Variants in SPTB observed in about 807,000 individuals in gnomAD.
SPTB encodes the protein spectrin beta, erythrocytic.
In SPTB, 45 loss-of-function variants were observed where a neutral mutation model predicts 256.2. The ratio of observed to expected loss-of-function variants is 0.18; its 90% CI spans 0.14 to 0.23. The LOEUF (loss-of-function observed/expected upper bound fraction) is 0.23, where lower values mean the gene tolerates loss of function less well. Among genes scored for constraint, SPTB ranks in the 10% least tolerant of loss-of-function variants. The pLI, the probability that SPTB is intolerant of heterozygous loss-of-function variation, is 1.00. For synonymous variants in SPTB, 1,231 were observed against 1,243.1 expected (o/e 0.99, Z 0.21); for missense variants, 2,715 against 3,040.4 (o/e 0.89, Z 2.52).
rs1267744891 is a variant in SPTB at position 64,866,377 on chromosome 14, C to T, written c.-52+13415G>A. 2.6e-5 allele frequency among the ~76,000 whole-genome samples: 4 copies of T among 152,214 alleles called. No individual in the cohort carries two copies. Among genetic ancestry groups the T allele is most frequent in the South Asian group, 4.1e-4 (2 of 4,830 alleles). On this transcript the variant is annotated intron_variant, in intron 1 of 35. Coordinates refer to ENST00000644917, the MANE Select transcript of SPTB (RefSeq NM_001355436.2). This position sits in a 1 kb window ranked among gnomAD's most constrained non-coding sequence, Gnocchi z 4.6. ...CTTGGCCAAGCCCGTTCCTCTGTCTCGCTGCCCTCAGGTCCCTCTCACAAG... is the reference window on the plus strand; with the variant it reads ...CTTGGCCAAGCCCGTTCCTCTGTCTTGCTGCCCTCAGGTCCCTCTCACAAG...
rs138039383 is a variant in SPTB at position 64,769,672 on chromosome 14, A to C, written c.5855T>G (p.Ile1952Ser). 1 of 1,614,034 alleles carries C rather than the reference A, an allele frequency of 6.2e-7. No homozygotes were observed. The highest frequency in any genetic ancestry group is 1.7e-5 in the Admixed American group (1 of 60,014). ...MKYHQGINAE[I>S]ETRSKNFSAC... Reference sequence around the variant, plus strand: ...ACTGAAGTTCTTGCTCCGGGTTTCAATCTCTGCATTGATGCCCTGGTGATA... The same window carrying C: ...ACTGAAGTTCTTGCTCCGGGTTTCACTCTCTGCATTGATGCCCTGGTGATA... Residue 1952 changes from isoleucine (I) to serine (S), a missense_variant, in exon 28 of 36, where the codon ATT (isoleucine) becomes AGT (serine). This residue lies in a region of SPTB where 2,239 missense variants were observed against 2,384.4 expected (regional missense o/e 0.94). Coordinates refer to ENST00000644917, the MANE Select transcript of SPTB (RefSeq NM_001355436.2).
At chr14:64,800,204 T>C (rs528357742) in intron 8 of SPTB, among the ~76,000 whole-genome samples, 8 of 152,220 alleles carry the variant, frequency 5.3e-5, no homozygotes, top group African/African-American at 1.2e-4. Context: ...CTAGAGAAGA[T>C]TGGTAAGCTT....
chr14:64,829,764 C>T (rs373650023), intron 1 of SPTB, among the ~76,000 whole-genome samples: 2 of 152,154 alleles, frequency 1.3e-5, no homozygotes, highest in African/African-American at 4.8e-5. Flanking sequence ...TTGTAAAATA[C>T]AGTCATATGC....
chr14:64,752,996 C>G (rs2081973293), intron 33 of SPTB, among the ~76,000 whole-genome samples: 2 of 152,020 alleles, frequency 1.3e-5, no homozygotes, highest in Admixed American at 1.3e-4. Flanking sequence ...CATAGAGTCA[C>G]CAGATGACAG....
At chr14:64,808,017 G>C (rs950646001) in intron 2 of SPTB, among the ~76,000 whole-genome samples, 2 of 152,210 alleles carry the variant, frequency 1.3e-5, no homozygotes, top group East Asian at 3.9e-4. Context: ...ATTCCTCTCT[G>C]TTCCTCTTTT....
At chr14:64,813,691 T>G (rs1036214327) in intron 2 of SPTB, among the ~76,000 whole-genome samples, 5 of 152,076 alleles carry the variant, frequency 3.3e-5, no homozygotes, top group African/African-American at 1.2e-4. Context: ...CCCAGCTAAA[T>G]TTTTTTGTAT....
At chr14:64,804,830 G>T in intron 3 of SPTB, 109 bp downstream of exon 3, 1 of 1,392,776 alleles carries the variant, frequency 7.2e-7, no homozygotes, top group Non-Finnish European at 1.0e-6. Context: ...TCCCAAAGGA[G>T]CAGAGAGAAA....
chr14:64,753,491 A>G (rs2081979439), intron 33 of SPTB, 46 bp downstream of exon 33: 10 of 1,611,820 alleles, frequency 6.2e-6, no homozygotes, highest in Non-Finnish European at 6.8e-6. Context: ...GAGATCCCTG[A>G]GAGCTGCCCA....
intron 33 of SPTB, chr14:64,752,177 T>C (rs755250473): frequency 3.0e-6 from 4 of 1,342,290 alleles, no homozygotes; most frequent in Admixed American, 2.0e-5. Context: ...ATCAAACTGA[T>C]AACAGGTGGG....
intron 1 of SPTB, among the ~76,000 whole-genome samples, chr14:64,862,822 ACT>A (rs1247630731): frequency 2.7e-5 from 4 of 149,202 alleles, no homozygotes; most frequent in Non-Finnish European, 4.5e-5. Context: ...TTGCAGTGAG[ACT>A]CTGTCACAAA....
chr14:64,752,136 G>C, intron 33 of SPTB: 1 of 1,260,870 alleles, frequency 7.9e-7, no homozygotes, highest in Non-Finnish European at 1.0e-6. Context: ...GACAAATAGG[G>C]CTCATGTCAA....
In SPTB at chr14:64,802,252, C is replaced by G; in HGVS notation, c.540G>C (p.Leu180=). 6.2e-7 allele frequency: 1 copy of G among 1,614,242 alleles called. No homozygotes were observed. Among genetic ancestry groups the G allele is most frequent in the East Asian group, 2.2e-5 (1 of 44,888 alleles). The part of the protein sequence containing the change: ...RETRSAKDAL[L]LWCQMKTAGY... ...CTGCCGTCTTCATCTGACACCACAA[C>G]AGCAACGCATCCTTGGCTGAGCGTG... Residue 180 remains leucine (L), a synonymous_variant, in exon 5 of 36, where the codon CTG becomes CTC. Transcript: ENST00000644917. This position sits in a 1 kb window ranked among gnomAD's most constrained non-coding sequence, Gnocchi z 5.1.
At chr14:64,784,814 C>A (rs371398315) in intron 18 of SPTB, among the ~76,000 whole-genome samples, 1 of 152,114 alleles carries the variant, frequency 6.6e-6, no homozygotes, top group African/African-American at 2.4e-5. Flanking sequence ...GGACAGAGGT[C>A]AATGAAAACA....
chr14:64,801,171 G>T, intron 7 of SPTB, 114 bp downstream of exon 7: 3 of 877,376 alleles, frequency 3.4e-6, no homozygotes, highest in Non-Finnish European at 5.4e-6. Flanking sequence ...TGTGCCCACA[G>T]CTTGCCCAGC....
chr14:64,821,339 G>T (rs2083283471), intron 2 of SPTB, among the ~76,000 whole-genome samples: 1 of 152,036 alleles, frequency 6.6e-6, no homozygotes, highest in African/African-American at 2.4e-5. Context: ...CCCTTTCATG[G>T]TTGGCCAGGG....
intron 1 of SPTB, among the ~76,000 whole-genome samples, chr14:64,869,219 A>C (rs1459835708): frequency 1.3e-5 from 2 of 152,186 alleles, no homozygotes; most frequent in African/African-American, 4.8e-5. Context: ...TAATAAATAC[A>C]CATGAAAACT....
At chr14:64,833,560 AAAAAG>A (rs1223686742) in intron 1 of SPTB, among the ~76,000 whole-genome samples, 1 of 151,906 alleles carries the variant, frequency 6.6e-6, no homozygotes, top group Non-Finnish European at 1.5e-5. Context: ...CAAAAAAAAA[AAAAAG>A]AAAAGAAACC....
chr14:64,791,659 C>A (rs2082675842), intron 15 of SPTB, 60 bp downstream of exon 15: 1 of 1,608,470 alleles, frequency 6.2e-7, no homozygotes, highest in Non-Finnish European at 8.5e-7. Context: ...GCCCGGCCCC[C>A]AGCAGTGTGT....
chr14:64,753,785 T>TA lies in SPTB; in HGVS notation c.6353_6354insT (p.Glu2118AspfsTer28). The TA allele has an allele frequency of 6.2e-7, 1 of 1,612,754 alleles. No homozygotes were observed. Among genetic ancestry groups the TA allele is most frequent in the Non-Finnish European group, 8.5e-7 (1 of 1,179,632 alleles). On this transcript the variant is annotated frameshift_variant, in exon 33 of 36. Coordinates refer to ENST00000644917, the MANE Select transcript of SPTB (RefSeq NM_001355436.2). LOFTEE classifies it high-confidence loss of function. ...GCAGGTTCTGAGGCCACGTTCCCTCTTCTTCCCCCTGCTCAGGGCATAGGG... is the reference window on the plus strand; with the variant it reads ...GCAGGTTCTGAGGCCACGTTCCCTCTATCTTCCCCCTGCTCAGGGCATAGGG...
Sources: allele counts gnomAD v4.1 joint callset (sites outside exome capture counted in the v4.1 genomes callset), GRCh38; gene constraint gnomAD v4.1.1; regional missense constraint gnomAD v4.1.1; non-coding constraint Gnocchi (gnomAD v3.1); transcripts MANE v1.5; gene names NCBI Gene and HGNC (gene_info 2026-07-23, HGNC 2026-07-21).